The following EPB41L4A variants were observed in gnomAD, a reference collection of about 807,000 sequenced individuals.
EPB41L4A encodes the protein band 4.1-like protein 4A.
A neutral mutation model predicts 108.6 loss-of-function variants in EPB41L4A; 100 were observed. The observed-to-expected ratio is 0.92, with a 90% CI of 0.78 to 1.09. The LOEUF (loss-of-function observed/expected upper bound fraction) is 1.09, where lower values mean the gene tolerates loss of function less well. EPB41L4A is among the 50% of genes least tolerant of loss of function. EPB41L4A has a pLI of 0.00. For synonymous variants in EPB41L4A, 319 were observed against 289.0 expected, an observed-to-expected ratio of 1.10 and a Z score of -1.05; for missense variants, 1,030 against 842.7, an observed-to-expected ratio of 1.22 and a Z score of -2.75.
intron 5 of EPB41L4A, among the ~76,000 whole-genome samples, chr5:112,265,590 C>A (rs974013094): frequency 3.9e-5 from 6 of 152,244 alleles, no homozygotes; most frequent in Non-Finnish European, 8.8e-5. Flanking sequence ...TCATCTATGA[C>A]ATTTTTCCTA....
chr5:112,375,771 T>C (rs59728660), intron 1 of EPB41L4A, among the ~76,000 whole-genome samples: 10,917 of 152,122 alleles, frequency 0.072, 1,351 homozygotes, highest in African/African-American at 0.25. Flanking sequence ...ACACTGTACA[T>C]TGCAATGACG....
intron 18 of EPB41L4A, 64 bp downstream of exon 18, chr5:112,183,952 G>A: frequency 6.3e-7 from 1 of 1,595,984 alleles, no homozygotes. Context: ...TAGAAGACCT[G>A]AATATCCACA....
At chr5:112,261,885 ATT>A (rs35793398) in intron 7 of EPB41L4A, among the ~76,000 whole-genome samples, 32,874 of 111,378 alleles carry the variant, frequency 0.3, 2,654 homozygotes, top group Non-Finnish European at 0.33. Flanking sequence ...TTACACACCA[ATT>A]TTTTTTTTTT....
intron 12 of EPB41L4A, among the ~76,000 whole-genome samples, chr5:112,211,243 CAA>C (rs1393057149): frequency 6.6e-6 from 1 of 152,110 alleles, no homozygotes; most frequent in African/African-American, 2.4e-5. Flanking sequence ...ACAAGCAGCT[CAA>C]GAGTCAGTCT....
intron 13 of EPB41L4A, among the ~76,000 whole-genome samples, chr5:112,209,249 G>C (rs1481388845): frequency 6.6e-6 from 1 of 152,188 alleles, no homozygotes; most frequent in African/African-American, 2.4e-5. Flanking sequence ...GCTCATTGTT[G>C]TTTATAATGC....
rs78657434 is a variant in EPB41L4A at position 112,233,976 on chromosome 5, G to C, written c.1087+658C>G. On this transcript the variant is annotated intron_variant, in intron 12 of 22. Transcript: ENST00000261486. ...CCCAAAGCACTGACATTACAGGTAT[G>C]AGCCATTGTGCCCAGCCAAGATTTT... 0.014 allele frequency among the ~76,000 whole-genome samples: 2,193 copies of C among 151,822 alleles called. 223 individuals are homozygous for C. In the East Asian group the frequency reaches 0.27, roughly 18 times the overall value.
At chr5:112,179,038 A>G (rs1761016342) in intron 18 of EPB41L4A, among the ~76,000 whole-genome samples, 1 of 152,040 alleles carries the variant, frequency 6.6e-6, no homozygotes, top group Non-Finnish European at 1.5e-5. Context: ...ATCACAACAG[A>G]TTTCACAGAT....
rs75639991 is a variant in EPB41L4A at position 112,154,874 on chromosome 5, T to A, written n.994+3527A>T. 7.5e-3 allele frequency among the ~76,000 whole-genome samples: 1,135 copies of A among 152,190 alleles called. 7 individuals are homozygous for A. Among genetic ancestry groups the A allele is most frequent in the Admixed American group, 0.01 (157 of 15,294 alleles). On this transcript the variant is annotated intron_variant and non_coding_transcript_variant, in intron 12 of 13. Coordinates refer to the EPB41L4A transcript ENST00000507810. ...ACACATTAAGAATGAAAAATAAACA[T>A]ACCTGAAAGAAAAGCAGAGATTTCA...
chr5:112,338,538 G>T (rs1757064704), intron 1 of EPB41L4A, among the ~76,000 whole-genome samples: 1 of 152,102 alleles, frequency 6.6e-6, no homozygotes, highest in African/African-American at 2.4e-5. Flanking sequence ...CCTATGATTT[G>T]TTTCCCCCAC....
In EPB41L4A at chr5:112,418,902, T is replaced by A. The variant is rs746610044; in HGVS notation, c.99+39A>T. The A allele has an allele frequency of 2.6e-6, 4 of 1,547,404 alleles. No homozygotes were observed. In the South Asian group the frequency reaches 3.4e-5, roughly 13 times the overall value. On this transcript the variant is annotated intron_variant, in intron 1 of 22. Coordinates refer to ENST00000261486, the MANE Select transcript of EPB41L4A (RefSeq NM_022140.5). ...AAGCGATGGACCCCCGCACCCGCCC[T>A]GCCGCCAACCCCCGGAACGCGCTCC...
At chr5:112,235,166 A>T (rs4312931) in intron 11 of EPB41L4A, among the ~76,000 whole-genome samples, 1 of 151,920 alleles carries the variant, frequency 6.6e-6, no homozygotes, top group Admixed American at 6.5e-5. Context: ...ATCCCCCACA[A>T]GACCACTCGG....
At chr5:112,298,731 C>G (rs532432240) in intron 2 of EPB41L4A, among the ~76,000 whole-genome samples, 15 of 152,212 alleles carry the variant, frequency 9.9e-5, no homozygotes, top group Non-Finnish European at 1.9e-4. Context: ...GGTATTAATT[C>G]TTCTTTGAAT....
downstream of EPB41L4A, chr5:112,162,207 T>C (rs973678669): frequency 2.0e-5 from 3 of 152,270 alleles, no homozygotes; most frequent in African/African-American, 7.2e-5. Flanking sequence ...CCTGGATCAT[T>C]TGAAATTTCT....
intron 5 of EPB41L4A, among the ~76,000 whole-genome samples, chr5:112,265,860 C>T (rs957733705): frequency 6.6e-6 from 1 of 152,230 alleles, no homozygotes; most frequent in South Asian, 2.1e-4. Flanking sequence ...GCCATGCAGA[C>T]TCTTCACAAC....
At chr5:112,172,265 C>A (rs1760622295) in intron 18 of EPB41L4A, among the ~76,000 whole-genome samples, 2 of 152,172 alleles carry the variant, frequency 1.3e-5, no homozygotes, top group Admixed American at 6.5e-5. Flanking sequence ...AATCCCAGCA[C>A]TTTGGGAGGC....
chr5:112,274,964 T>G (rs1051378033), intron 4 of EPB41L4A, among the ~76,000 whole-genome samples: 1 of 152,234 alleles, frequency 6.6e-6, no homozygotes, highest in Non-Finnish European at 1.5e-5. Flanking sequence ...GCTGGGCAAA[T>G]GTATATTTAG....
At chr5:112,161,312 G>C (rs1357911658), downstream of EPB41L4A, 6 of 358,184 alleles carry the variant, frequency 1.7e-5, no homozygotes, top group South Asian at 1.0e-4. Flanking sequence ...TTTCACGTTC[G>C]TGCAAGACCA....
At chr5:112,195,614 G>C (rs372695407) in intron 16 of EPB41L4A, 47 bp downstream of exon 16, 17 of 1,493,220 alleles carry the variant, frequency 1.1e-5, no homozygotes, top group Non-Finnish European at 1.6e-5. Context: ...TTCTAAATCT[G>C]CTAACCCTTC....
At chr5:112,259,822 T>C (rs1751367881) in intron 8 of EPB41L4A, 69 bp downstream of exon 8, 3 of 1,128,190 alleles carry the variant, frequency 2.7e-6, no homozygotes. Context: ...TCCCCAACTC[T>C]TTCACTGACA....
Sources: allele counts gnomAD v4.1 joint callset (sites outside exome capture counted in the v4.1 genomes callset), GRCh38; gene constraint gnomAD v4.1.1; transcripts MANE v1.5; gene names NCBI Gene and HGNC (gene_info 2026-07-23, HGNC 2026-07-21).